The following GABRB3 variants were observed in gnomAD, a reference collection of about 807,000 sequenced individuals.
GABRB3 encodes gamma-aminobutyric acid type A receptor subunit beta3.
A neutral mutation model predicts 52.1 loss-of-function variants in GABRB3; 14 were observed. That is an observed-to-expected ratio of 0.27 (90% CI 0.18 to 0.42). The LOEUF (loss-of-function observed/expected upper bound fraction) is 0.42. GABRB3 is among the 10% of genes least tolerant of loss of function. The pLI, the probability that GABRB3 is intolerant of heterozygous loss-of-function variation, is 1.00. For missense variants in GABRB3, 307 were observed against 609.1 expected, an observed-to-expected ratio of 0.50 and a Z score of 5.22; for synonymous variants, 260 against 232.3, an observed-to-expected ratio of 1.12 and a Z score of -1.08.
rs1435259394 is a variant in GABRB3 at position 26,710,784 on chromosome 15, T to C, written c.240+61618A>G. Among the ~76,000 whole-genome samples, 7 of 152,126 alleles carry C rather than the reference T, an allele frequency of 4.6e-5. No homozygotes were observed. The South Asian group carries it at 1.0e-3, about 23-fold the overall frequency. On this transcript the variant is annotated intron_variant, in intron 3 of 8. Transcript: ENST00000311550. ...CATTTTTCAACTGGGTTGTGTCTTC[T>C]TACTATTGAGCTATAAACGTTTTTT...
chr15:26,707,969 C>G (rs1417004855), intron 3 of GABRB3, among the ~76,000 whole-genome samples: 4 of 152,134 alleles, frequency 2.6e-5, no homozygotes, highest in African/African-American at 9.7e-5. Context: ...TGATCATCCC[C>G]AACCCCAAAA....
chr15:26,571,009 T>C (rs907095483), intron 6 of GABRB3, among the ~76,000 whole-genome samples: 1 of 152,182 alleles, frequency 6.6e-6, no homozygotes, highest in African/African-American at 2.4e-5. Flanking sequence ...ATTTAGTTTC[T>C]TTATATGACT....
At chr15:26,717,251 T>C (rs536859644) in intron 3 of GABRB3, among the ~76,000 whole-genome samples, 6 of 144,046 alleles carry the variant, frequency 4.2e-5, no homozygotes, top group Non-Finnish European at 4.6e-5. Flanking sequence ...CTCCACCCTA[T>C]GACAGCCCAG....
At chr15:26,571,735 G>A (rs892899006) in intron 6 of GABRB3, among the ~76,000 whole-genome samples, 4 of 152,150 alleles carry the variant, frequency 2.6e-5, no homozygotes, top group Admixed American at 6.5e-5. Flanking sequence ...GAATTTGGAA[G>A]TAAGAAAATA....
intron 3 of GABRB3, among the ~76,000 whole-genome samples, chr15:26,710,887 AAC>A: frequency 6.6e-6 from 1 of 151,048 alleles, no homozygotes; most frequent in African/African-American, 2.4e-5. Context: ...CTTAATGAAT[AAC>A]ACTTTGATCT....
rs1019797880 is a variant in GABRB3, at chr15:26,605,596, A to T, written c.461+15718T>A. On this transcript the variant is annotated intron_variant, in intron 4 of 8. Coordinates refer to ENST00000311550, the MANE Select transcript of GABRB3 (RefSeq NM_000814.6). ...CTTGTGTATAAGTCCAAGTCATAAA[A>T]ATGAATGAGATTCTGTCATTTGCAA... is the stretch of plus-strand genomic sequence containing the variant. 2.9e-4 allele frequency among the ~76,000 whole-genome samples: 44 copies of T among 152,344 alleles called. No individual in the cohort carries two copies. In the Middle Eastern group the frequency reaches 0.01, roughly 35 times the overall value.
rs1218316231 is a variant in GABRB3 at position 26,547,888 on chromosome 15, T to A, written c.1327A>T (p.Thr443Ser). 1 of 1,613,862 alleles carries A rather than the reference T, an allele frequency of 6.2e-7. No homozygotes were observed. Among genetic ancestry groups the A allele is most frequent in the African/African-American group, 1.3e-5 (1 of 74,872 alleles). ...CATCTGTCTATGGCATTCACATCGG[T>A]TAGATCAGGTATTTTAATTTTGAGC... ...SQLKIKIPDL[T>S]DVNAIDRWSR... is the part of the protein sequence containing the mutation. The change falls in exon 9 of 9, where the codon ACC (threonine) becomes TCC (serine). Residue 443 changes from threonine to serine, a missense_variant. By Grantham distance (58) the Thr-to-Ser change is moderately conservative. Transcript: ENST00000311550.
At chr15:26,673,276 G>A (rs1443621327) in intron 3 of GABRB3, among the ~76,000 whole-genome samples, 3 of 151,834 alleles carry the variant, frequency 2.0e-5, no homozygotes, top group Admixed American at 6.6e-5. Context: ...CTTCCTTAGA[G>A]GGTAGATGCA....
At chr15:26,584,653 A>G (rs532943587) in intron 4 of GABRB3, among the ~76,000 whole-genome samples, 32 of 152,358 alleles carry the variant, frequency 2.1e-4, no homozygotes, top group African/African-American at 7.2e-4. Context: ...CCAACCCTAC[A>G]CTGAGAAACA....
rs915853356 is a variant in GABRB3 at position 26,647,854 on chromosome 15, C to G, written c.241-26320G>C. Reference sequence around the variant, plus strand: ...GAAGGATCCAGGGGCACAGCTGCCTCCCCCACTGTTAGTCGAGGAGGAAAA... The same window carrying G: ...GAAGGATCCAGGGGCACAGCTGCCTGCCCCACTGTTAGTCGAGGAGGAAAA... On this transcript the variant is annotated intron_variant, in intron 3 of 8. Transcript: ENST00000311550. Among the ~76,000 whole-genome samples the G allele has an allele frequency of 3.3e-5, 5 of 152,184 alleles. No individual in the cohort carries two copies. In the East Asian group the frequency reaches 7.7e-4, roughly 23 times the overall value.
At chr15:26,591,657 A>G (rs554298493) in intron 4 of GABRB3, among the ~76,000 whole-genome samples, 15 of 152,160 alleles carry the variant, frequency 9.9e-5, no homozygotes, top group Non-Finnish European at 2.1e-4. Context: ...CGCAGGTTCA[A>G]CCCTCCGAAG....
intron 4 of GABRB3, among the ~76,000 whole-genome samples, chr15:26,599,541 G>A (rs1412755419): frequency 6.6e-6 from 1 of 152,208 alleles, no homozygotes; most frequent in African/African-American, 2.4e-5. Context: ...GCAGAGTCCA[G>A]CCAGTAGCCT....
chr15:26,692,405 T>C (rs1463579428), intron 3 of GABRB3, among the ~76,000 whole-genome samples: 2 of 152,206 alleles, frequency 1.3e-5, no homozygotes, highest in Non-Finnish European at 2.9e-5. Flanking sequence ...AGTTCCCATG[T>C]TTGAACATCA....
At chr15:26,759,683 T>G (rs1232784126) in intron 3 of GABRB3, among the ~76,000 whole-genome samples, 2 of 152,250 alleles carry the variant, frequency 1.3e-5, no homozygotes, top group African/African-American at 4.8e-5. Flanking sequence ...ACCACACCCC[T>G]GTCCTCTTCC....
At chr15:26,680,993 A>G (rs150028089) in intron 3 of GABRB3, among the ~76,000 whole-genome samples, 1 of 152,340 alleles carries the variant, frequency 6.6e-6, no homozygotes, top group East Asian at 1.9e-4. Context: ...ATTTTGTAAG[A>G]TTAACCCTCT....
chr15:26,619,376 G>T (rs1374895804), intron 4 of GABRB3, among the ~76,000 whole-genome samples: 2 of 151,882 alleles, frequency 1.3e-5, no homozygotes, highest in East Asian at 3.9e-4. Context: ...TAGGGACATG[G>T]ATGAAATTGG....
At chr15:26,568,022 T>C (rs149820333) in intron 6 of GABRB3, among the ~76,000 whole-genome samples, 57 of 152,386 alleles carry the variant, frequency 3.7e-4, no homozygotes, top group African/African-American at 1.2e-3. Context: ...TCCAGAATAA[T>C]GCCAAATACC....
At chr15:26,734,170 C>T (rs949914636) in intron 3 of GABRB3, among the ~76,000 whole-genome samples, 6 of 151,782 alleles carry the variant, frequency 4.0e-5, no homozygotes, top group African/African-American at 1.5e-4. Flanking sequence ...GCTGGGATTA[C>T]AGGCATGCAC....
At chr15:26,556,386 C>T (rs939226602) in intron 8 of GABRB3, among the ~76,000 whole-genome samples, 5 of 152,190 alleles carry the variant, frequency 3.3e-5, no homozygotes, top group African/African-American at 1.2e-4. Context: ...TGAGAAAGGA[C>T]TTGCCACGTG....
Sources: gnomAD v4.1 joint callset for allele counts (sites outside exome capture counted in the v4.1 genomes callset) on GRCh38, gnomAD v4.1.1 for gene constraint, MANE v1.5 for transcripts, NCBI Gene and HGNC (gene_info 2026-07-23, HGNC 2026-07-21) for gene names.